Variants in MIB1 observed in about 807,000 individuals in gnomAD.
The protein encoded by MIB1 is E3 ubiquitin-protein ligase MIB1.
In MIB1, 278 loss-of-function variants were observed where a neutral mutation model predicts 124.5. The ratio of observed to expected loss-of-function variants is 2.23; its 90% confidence interval spans 2.02 to 2.47. The LOEUF (loss-of-function observed/expected upper bound fraction) is 2.47. Among genes scored for constraint, MIB1 ranks in the 30% most tolerant of loss-of-function variants. The pLI is 0.00. For synonymous variants in MIB1, 446 were observed against 429.4 expected, an observed-to-expected ratio of 1.04 and a Z score of -0.48; for missense variants, 957 against 1,254.4, an observed-to-expected ratio of 0.76 and a Z score of 3.58.
At chr18:21,752,248 C>T (rs1406944495) in intron 1 of MIB1, among the ~76,000 whole-genome samples, 1 of 152,144 alleles carries the variant, frequency 6.6e-6, no homozygotes, top group African/African-American at 2.4e-5. Flanking sequence ...CTGCCCTCAG[C>T]AGAAGATGTG....
intron 19 of MIB1, 51 bp from the exon 20 acceptor site, chr18:21,858,495 C>A: frequency 2.5e-6 from 2 of 806,096 alleles, no homozygotes; most frequent in Non-Finnish European, 4.1e-6. Context: ...TTATAAATGT[C>A]ATTCTGTCAA....
intron 12 of MIB1, among the ~76,000 whole-genome samples, chr18:21,833,956 A>T (rs1440650314): frequency 6.6e-6 from 1 of 152,316 alleles, no homozygotes; most frequent in East Asian, 1.9e-4. Context: ...TCTAAATCTC[A>T]TATACTATGC....
intron 1 of MIB1, among the ~76,000 whole-genome samples, chr18:21,764,728 GAAAAAAAAAAC>G (rs1187105977): frequency 7.5e-5 from 11 of 147,108 alleles, no homozygotes; most frequent in African/African-American, 2.7e-4. Flanking sequence ...CAGTTATTTT[GAAAAAAAAAAC>G]AAAACAAAAC....
At chr18:21,853,330 T>G in intron 18 of MIB1, 112 bp downstream of exon 18, 2 of 715,440 alleles carry the variant, frequency 2.8e-6, no homozygotes, top group Non-Finnish European at 4.8e-6. Context: ...CATAAAAAAG[T>G]TGATGGGCCT....
chr18:21,824,241 T>A (rs2146484175), intron 12 of MIB1, among the ~76,000 whole-genome samples: 1 of 152,336 alleles, frequency 6.6e-6, no homozygotes, highest in Non-Finnish European at 1.5e-5. Context: ...TAAGATAATT[T>A]CACAGGCGTT....
Position 21,864,879 on chromosome 18 carries a change from A to G in MIB1, c.*213A>G, listed in dbSNP as rs536122354. ...TTTTTGTTTTAAATTTGAAACATCAAATTCATGTAACTCATAGGATAATTT... is the reference window on the plus strand; with the variant it reads ...TTTTTGTTTTAAATTTGAAACATCAGATTCATGTAACTCATAGGATAATTT... On this transcript the variant is annotated 3_prime_UTR_variant, in exon 21 of 21. Coordinates refer to ENST00000261537, the MANE Select transcript of MIB1 (RefSeq NM_020774.4). 7.7e-6 allele frequency: 3 copies of G among 390,192 alleles called. No individual in the cohort carries two copies. The East Asian group carries it at 1.1e-4, about 15-fold the overall frequency. The allele number at this position is 390,192 out of a possible 1,614,324, so 24.2% of individuals were successfully genotyped here.
intron 12 of MIB1, among the ~76,000 whole-genome samples, chr18:21,823,039 G>C (rs1441661174): frequency 6.6e-6 from 1 of 152,054 alleles, no homozygotes; most frequent in Non-Finnish European, 1.5e-5. Context: ...TTTGAGACCA[G>C]CCTGGCCAAC....
At chr18:21,753,309 C>T (rs1380727468) in intron 1 of MIB1, among the ~76,000 whole-genome samples, 3 of 152,004 alleles carry the variant, frequency 2.0e-5, no homozygotes, top group African/African-American at 7.2e-5. Context: ...CTGCCGCAGC[C>T]TCCTAAGTAG....
intron 7 of MIB1, among the ~76,000 whole-genome samples, chr18:21,792,413 C>T (rs1462116996): frequency 1.3e-5 from 2 of 152,102 alleles, no homozygotes; most frequent in Admixed American, 1.3e-4. Context: ...CCTTCTCTTC[C>T]CATCCAGCCC....
Position 21,853,135 on chromosome 18 carries a change from T to C in MIB1, c.2587-5T>C. On this transcript the variant is annotated splice_polypyrimidine_tract_variant and splice_region_variant and intron_variant, in intron 17 of 20. Transcript: ENST00000261537. ...GTCACTGTGCTGTAACCTCTTTTTCTATAGATTGAAGAATGTGTGGTATGC... is the reference window on the plus strand; with the variant it reads ...GTCACTGTGCTGTAACCTCTTTTTCCATAGATTGAAGAATGTGTGGTATGC... 1 of 1,607,202 alleles carries C rather than the reference T, an allele frequency of 6.2e-7. No individual in the cohort carries two copies. Among genetic ancestry groups the C allele is most frequent in the Non-Finnish European group, 8.5e-7 (1 of 1,174,032 alleles).
chr18:21,712,705 G>A (rs567644298), intron 1 of MIB1, among the ~76,000 whole-genome samples: 16 of 152,264 alleles, frequency 1.1e-4, no homozygotes, highest in Admixed American at 6.5e-4. Context: ...CATGGTCAAC[G>A]TTTTAACTTC....
At chr18:21,733,104 T>C (rs867755745) in intron 1 of MIB1, among the ~76,000 whole-genome samples, 2 of 152,226 alleles carry the variant, frequency 1.3e-5, no homozygotes, top group Non-Finnish European at 2.9e-5. Context: ...GGTAAAGTTG[T>C]GTTCCATCTC....
intron 1 of MIB1, among the ~76,000 whole-genome samples, chr18:21,751,913 G>A (rs2040979452): frequency 6.6e-6 from 1 of 152,132 alleles, no homozygotes; most frequent in African/African-American, 2.4e-5. Context: ...CCATGCTGTG[G>A]TTATTTGATT....
chr18:21,733,715 T>C (rs908227363), intron 1 of MIB1, among the ~76,000 whole-genome samples: 1 of 152,072 alleles, frequency 6.6e-6, no homozygotes, highest in Non-Finnish European at 1.5e-5. Flanking sequence ...TCTTTTTTCT[T>C]TTTTTTTGAG....
At chr18:21,814,697 C>T (rs1188726059) in intron 10 of MIB1, among the ~76,000 whole-genome samples, 1 of 151,836 alleles carries the variant, frequency 6.6e-6, no homozygotes, top group Non-Finnish European at 1.5e-5. Flanking sequence ...CCTCAGCCTC[C>T]CGGGTAGCTG....
chr18:21,715,871 A>G (rs1490048717), intron 1 of MIB1, among the ~76,000 whole-genome samples: 1 of 152,228 alleles, frequency 6.6e-6, no homozygotes, highest in Non-Finnish European at 1.5e-5. Flanking sequence ...ATTATATTAA[A>G]TGACCAAACT....
In MIB1 at chr18:21,810,893, A is replaced by G. The variant is rs190639336; in HGVS notation, c.1480-4723A>G. Among the ~76,000 whole-genome samples, 574 of 152,236 alleles carry G rather than the reference A, an allele frequency of 3.8e-3. 4 individuals are homozygous for G. The highest frequency in any genetic ancestry group is 6.8e-3 in the Middle Eastern group (2 of 294). ...AAAAACAGACAAATTAGACTTCATG[A>G]AAATTAAAAACAACGTGTATCAAAG... On this transcript the variant is annotated intron_variant, in intron 10 of 20. Coordinates refer to ENST00000261537, the MANE Select transcript of MIB1 (RefSeq NM_020774.4).
chr18:21,785,103 C>T (rs1403692992), intron 6 of MIB1, among the ~76,000 whole-genome samples: 6 of 152,164 alleles, frequency 3.9e-5, no homozygotes, highest in East Asian at 1.9e-4. Context: ...CTTTCTGCCT[C>T]GGCTACCAAA....
chr18:21,870,663 A>AT lies in MIB1; in HGVS notation c.*6001dup, dbSNP rs1282499343. 1 of 151,992 alleles carries AT rather than the reference A, an allele frequency of 6.6e-6. No individual in the cohort carries two copies. The highest frequency in any genetic ancestry group is 1.5e-5 in the Non-Finnish European group (1 of 67,982). 9.4% of individuals were successfully genotyped at this position (151,992 alleles called of 1,614,324 possible). On this transcript the variant is annotated 3_prime_UTR_variant, in exon 21 of 21. Coordinates refer to ENST00000261537, the MANE Select transcript of MIB1 (RefSeq NM_020774.4). ...AATTGTATGGTTTGGGGGTTATTTT[A>AT]TTTTCCATGTTAATATAAGCACTTA... is the stretch of plus-strand genomic sequence containing the variant.
Sources: allele counts gnomAD v4.1 joint callset (sites outside exome capture counted in the v4.1 genomes callset), GRCh38; gene constraint gnomAD v4.1.1; transcripts MANE v1.5; gene names NCBI Gene and HGNC (gene_info 2026-07-23, HGNC 2026-07-21).